IL16: variants seen among roughly 807,000 people sequenced by gnomAD.
IL16 encodes pro-interleukin-16.
In IL16, 67 loss-of-function variants were observed where a neutral mutation model predicts 110.1. That is an observed-to-expected ratio of 0.61 (90% CI 0.50 to 0.75). The LOEUF is 0.75. IL16 is among the 30% of genes least tolerant of loss of function. The pLI, the probability that IL16 is intolerant of heterozygous loss-of-function variation, is 0.00. For missense variants in IL16, 1,545 were observed against 1,655.0 expected, an observed-to-expected ratio of 0.93 and a Z score of 1.15; for synonymous variants, 689 against 662.9, an observed-to-expected ratio of 1.04 and a Z score of -0.61.
At chr15:81,284,204 T>C (rs1899335058) in intron 9 of IL16, among the ~76,000 whole-genome samples, 1 of 152,216 alleles carries the variant, frequency 6.6e-6, no homozygotes, top group Non-Finnish European at 1.5e-5. Context: ...TTACAATACT[T>C]TGCACTCTAA....
chr15:81,190,175 T>C (rs1895477880), intron 1 of IL16, among the ~76,000 whole-genome samples: 1 of 152,238 alleles, frequency 6.6e-6, no homozygotes, highest in Non-Finnish European at 1.5e-5. Context: ...AAAGTCTTGC[T>C]GAGTGGAAAC....
chr15:81,297,107 G>A (rs17875502), intron 13 of IL16, 29 bp downstream of exon 13: 365,632 of 1,593,130 alleles, frequency 0.23, 43,320 homozygotes, highest in Non-Finnish European at 0.24. Context: ...CTTCCAAAAG[G>A]AAGGGTCTTT....
At chr15:81,213,881 G>T (rs746740393) in intron 1 of IL16, among the ~76,000 whole-genome samples, 2 of 152,108 alleles carry the variant, frequency 1.3e-5, no homozygotes, top group Non-Finnish European at 2.9e-5. Context: ...ACATTTACAA[G>T]GTTAGTATTG....
chr15:81,250,528 T>C (rs184793641), intron 2 of IL16, among the ~76,000 whole-genome samples: 1 of 152,154 alleles, frequency 6.6e-6, no homozygotes, highest in Non-Finnish European at 1.5e-5. Context: ...TTGCTTTGAT[T>C]TTTTTTTCTG....
intron 3 of IL16, among the ~76,000 whole-genome samples, chr15:81,265,342 C>G (rs1898327439): frequency 6.6e-6 from 1 of 152,192 alleles, no homozygotes; most frequent in Admixed American, 6.5e-5. Flanking sequence ...TCTGATGCAG[C>G]ATTGTGGTTT....
chr15:81,255,225 A>G (rs139467679), intron 2 of IL16, among the ~76,000 whole-genome samples: 3 of 152,322 alleles, frequency 2.0e-5, no homozygotes, highest in African/African-American at 4.8e-5. Context: ...ATATGGCTTT[A>G]TATGTGTTTC....
chr15:81,261,522 T>C (rs1898156683), intron 3 of IL16, among the ~76,000 whole-genome samples: 1 of 152,182 alleles, frequency 6.6e-6, no homozygotes, highest in Non-Finnish European at 1.5e-5. Context: ...TGCCCCTCTA[T>C]GACAGTAAAT....
intron 8 of IL16, among the ~76,000 whole-genome samples, chr15:81,282,244 C>G (rs1375592933): frequency 1.3e-5 from 2 of 152,208 alleles, no homozygotes; most frequent in African/African-American, 2.4e-5. Context: ...TCTCTTCACC[C>G]CTAACTCTTG....
intron 1 of IL16, among the ~76,000 whole-genome samples, chr15:81,191,835 G>C (rs961544509): frequency 1.3e-5 from 2 of 152,216 alleles, no homozygotes; most frequent in African/African-American, 4.8e-5. Flanking sequence ...CAGAAGGCCA[G>C]GGTGGCTGTG....
At chr15:81,198,285 A>C (rs1219348086) in intron 1 of IL16, among the ~76,000 whole-genome samples, 1 of 152,280 alleles carries the variant, frequency 6.6e-6, no homozygotes, top group East Asian at 1.9e-4. Flanking sequence ...TTTAAACCTT[A>C]CAACAACCTG....
rs1361658698 is a variant in IL16 at position 81,279,743 on chromosome 15, C to T, written c.1050C>T (p.Tyr350=). 6.2e-7 allele frequency: 1 copy of T among 1,614,258 alleles called. No individual in the cohort carries two copies. The highest frequency in any genetic ancestry group is 2.2e-5 in the East Asian group (1 of 44,882). ...SAPISTAKPN[Y]RIMVEVSLQK... ...CCATCAGCACCGCCAAGCCCAATTA[C>T]AGAATCATGGTGGAGGTTTCTCTGC... Residue 350 remains tyrosine, a synonymous_variant, in exon 8 of 19, where the codon TAC becomes TAT. Coordinates refer to ENST00000683961, the MANE Select transcript of IL16 (RefSeq NM_172217.5).
chr15:81,228,889 C>G (rs1184138175), intron 2 of IL16, among the ~76,000 whole-genome samples: 2 of 152,012 alleles, frequency 1.3e-5, no homozygotes, highest in Admixed American at 1.3e-4. Flanking sequence ...CCTCTCTGTG[C>G]CTCAGTTTTC....
At chr15:81,290,404 A>T in intron 10 of IL16, 49 bp from the exon 11 acceptor site, 2 of 1,387,410 alleles carry the variant, frequency 1.4e-6, no homozygotes, top group South Asian at 2.5e-5. Context: ...TGGGAGCCTG[A>T]TGCAGGAGCT....
intron 2 of IL16, among the ~76,000 whole-genome samples, chr15:81,245,772 G>C (rs1201308493): frequency 8.7e-6 from 1 of 115,210 alleles, no homozygotes; most frequent in Non-Finnish European, 1.6e-5. Flanking sequence ...GGCAATTCCA[G>C]ATTGCCAGCT....
chr15:81,239,728 T>C (rs6495553), intron 2 of IL16, among the ~76,000 whole-genome samples: 36,072 of 152,178 alleles, frequency 0.24, 4,953 homozygotes, highest in African/African-American at 0.37. Context: ...CTGGTCTTCC[T>C]CCTTTCCTGG....
intron 16 of IL16, among the ~76,000 whole-genome samples, chr15:81,305,483 G>A (rs982464997): frequency 1.3e-5 from 2 of 152,114 alleles, no homozygotes; most frequent in Non-Finnish European, 2.9e-5. Flanking sequence ...GGGCAACACT[G>A]GGAGACCCTG....
chr15:81,184,747 G>C (rs566414660), intron 1 of IL16, among the ~76,000 whole-genome samples: 1 of 152,364 alleles, frequency 6.6e-6, no homozygotes, highest in African/African-American at 2.4e-5. Context: ...CACCTGTCCA[G>C]TTAAATCCTT....
In IL16 at chr15:81,207,332, T is replaced by C. The variant is rs182356844; in HGVS notation, c.-102+10180T>C. On this transcript the variant is annotated intron_variant, in intron 1 of 18. Coordinates refer to ENST00000683961, the MANE Select transcript of IL16 (RefSeq NM_172217.5). Reference sequence around the variant, plus strand: ...TTATAATCACAGTGTTGCTGTGAGATGGCTAATCATCTGCATCTTACAGAT... The same window carrying C: ...TTATAATCACAGTGTTGCTGTGAGACGGCTAATCATCTGCATCTTACAGAT... Among the ~76,000 whole-genome samples the C allele has an allele frequency of 2.0e-4, 30 of 152,088 alleles. 1 individual carries two copies. In the East Asian group the frequency reaches 5.6e-3, roughly 28 times the overall value.
chr15:81,228,227 A>G (rs560385009), intron 2 of IL16, among the ~76,000 whole-genome samples: 7 of 152,092 alleles, frequency 4.6e-5, no homozygotes, highest in African/African-American at 1.7e-4. Flanking sequence ...GAATGGCTAG[A>G]TGGCATGGGG....
Sources: allele counts gnomAD v4.1 joint callset (sites outside exome capture counted in the v4.1 genomes callset), GRCh38; gene constraint gnomAD v4.1.1; transcripts MANE v1.5; gene names NCBI Gene and HGNC (gene_info 2026-07-23, HGNC 2026-07-21).